The following NXPE2 variants were observed in gnomAD, a reference collection of about 807,000 sequenced individuals.
NXPE2 encodes the protein NXPE family member 2.
In NXPE2, 34 loss-of-function variants were observed where a neutral mutation model predicts 34.4. The ratio of observed to expected loss-of-function variants is 0.99; its 90% CI spans 0.75 to 1.31. NXPE2 has a LOEUF of 1.31. NXPE2 is among the 40% of genes most tolerant of loss of function. The pLI is 0.00. For missense variants in NXPE2, 649 were observed against 672.5 expected, an observed-to-expected ratio of 0.97 and a Z score of 0.39; for synonymous variants, 235 against 231.3, an observed-to-expected ratio of 1.02 and a Z score of -0.15.
At chr11:114,784,237 G>A in the NXPE2 span, among the ~76,000 whole-genome samples, 1 of 152,198 alleles carries the variant, frequency 6.6e-6, no homozygotes, top group Non-Finnish European at 1.5e-5. Flanking sequence ...ATGAGAAGGA[G>A]ACCTTCCATT....
the NXPE2 span, among the ~76,000 whole-genome samples, chr11:114,653,365 G>GT: frequency 6.6e-5 from 10 of 152,158 alleles, no homozygotes; most frequent in African/African-American, 2.4e-4. Flanking sequence ...AAGCTCAACG[G>GT]TTTTGTTGTA....
chr11:114,805,918 C>G, the NXPE2 span, among the ~76,000 whole-genome samples: 1 of 152,200 alleles, frequency 6.6e-6, no homozygotes, highest in Non-Finnish European at 1.5e-5. Context: ...CCCTGACCCC[C>G]GAGTAGCATA....
chr11:114,501,307 A>G, the NXPE2 span, among the ~76,000 whole-genome samples: 5 of 152,268 alleles, frequency 3.3e-5, no homozygotes, highest in East Asian at 9.6e-4. Flanking sequence ...TTTGGAAGCC[A>G]TTGCTCTAAG....
the NXPE2 span, among the ~76,000 whole-genome samples, chr11:114,641,914 A>G: frequency 6.6e-6 from 1 of 152,098 alleles, no homozygotes; most frequent in South Asian, 2.1e-4. Flanking sequence ...CACTAGAGTA[A>G]CTTTATGCCA....
At chr11:114,488,739 G>A in the NXPE2 span, among the ~76,000 whole-genome samples, 1 of 152,102 alleles carries the variant, frequency 6.6e-6, no homozygotes, top group African/African-American at 2.4e-5. Context: ...AGCACTAAAT[G>A]CCCACAAGAG....
the NXPE2 span, among the ~76,000 whole-genome samples, chr11:114,592,664 G>A: frequency 5.9e-4 from 89 of 152,106 alleles, no homozygotes; most frequent in African/African-American, 1.1e-3. Flanking sequence ...ATTCTTCATC[G>A]AAATAGAAAA....
the NXPE2 span, among the ~76,000 whole-genome samples, chr11:114,640,171 T>TAAAA: frequency 2.3e-5 from 3 of 131,108 alleles, no homozygotes; most frequent in African/African-American, 8.6e-5. Context: ...TATATATAAA[T>TAAAA]AATTTATATA....
chr11:114,526,941 C>G, the NXPE2 span, among the ~76,000 whole-genome samples: 1 of 152,192 alleles, frequency 6.6e-6, no homozygotes, highest in Non-Finnish European at 1.5e-5. Context: ...CTTCTTCATT[C>G]TCTGACTACA....
At chr11:114,777,284 C>G in the NXPE2 span, among the ~76,000 whole-genome samples, 1 of 152,212 alleles carries the variant, frequency 6.6e-6, no homozygotes, top group African/African-American at 2.4e-5. Flanking sequence ...TTAACATATA[C>G]TACAGGAATG....
the NXPE2 span, among the ~76,000 whole-genome samples, chr11:114,631,917 G>A: frequency 6.6e-6 from 1 of 151,244 alleles, no homozygotes; most frequent in Non-Finnish European, 1.5e-5. Flanking sequence ...GGTCACTACT[G>A]TTACCCGGTG....
At chr11:114,725,994 A>ATATATATATAT in the NXPE2 span, among the ~76,000 whole-genome samples, 75 of 87,684 alleles carry the variant, frequency 8.6e-4, 3 homozygotes, top group East Asian at 2.2e-3. Flanking sequence ...TATATATATA[A>ATATATATATAT]AAAGAAAAAG....
the NXPE2 span, among the ~76,000 whole-genome samples, chr11:114,504,303 C>T: frequency 1.3e-5 from 2 of 152,088 alleles, no homozygotes; most frequent in East Asian, 3.9e-4. Context: ...AACAGGGGAT[C>T]CTCCTATACC....
the NXPE2 span, among the ~76,000 whole-genome samples, chr11:114,725,976 A>AAAAAAAATATATAT: frequency 9.8e-6 from 1 of 101,768 alleles, no homozygotes; most frequent in African/African-American, 3.4e-5. Flanking sequence ...ATAAAAAAAA[A>AAAAAAAATATATAT]ATATATATAT....
At chr11:114,533,818 T>C in the NXPE2 span, among the ~76,000 whole-genome samples, 1 of 152,158 alleles carries the variant, frequency 6.6e-6, no homozygotes, top group African/African-American at 2.4e-5. Flanking sequence ...CCACCACAGC[T>C]CAAGGAGGCA....
the NXPE2 span, among the ~76,000 whole-genome samples, chr11:114,589,506 T>C: frequency 6.6e-6 from 1 of 152,172 alleles, no homozygotes; most frequent in African/African-American, 2.4e-5. Flanking sequence ...ATTATTTACA[T>C]GTGCCTTTTA....
the NXPE2 span, among the ~76,000 whole-genome samples, chr11:114,765,093 C>T: frequency 6.6e-6 from 1 of 152,132 alleles, no homozygotes; most frequent in South Asian, 2.1e-4. Context: ...CTCTGTATCT[C>T]AGAAAGTCCT....
In NXPE2 at chr11:114,679,758, CA is replaced by C; in HGVS notation, c.131del (p.Lys44SerfsTer12). On this transcript the variant is annotated frameshift_variant, in exon 2 of 6. Transcript: ENST00000389586. LOFTEE classifies it high-confidence loss of function. ...WIIYLASKDH[T>X]KFSFNLENHI... ...ATTTACTTGGCTTCAAAAGACCACA[CA>C]AAGGTAGGAAGTTTCATTTTTAAGA... 2 of 1,536,486 alleles carry C rather than the reference CA, an allele frequency of 1.3e-6. No individual in the cohort carries two copies. Among genetic ancestry groups the C allele is most frequent in the South Asian group, 2.4e-5 (2 of 83,414 alleles).
At chr11:114,582,847 C>T in the NXPE2 span, 25 of 1,613,992 alleles carry the variant, frequency 1.5e-5, no homozygotes, top group South Asian at 1.1e-4. Context: ...GTGGTGTTCA[C>T]GTGGGTGAAA....
intron 2 of NXPE2, among the ~76,000 whole-genome samples, chr11:114,697,513 C>T (rs1206420750): frequency 6.6e-6 from 1 of 152,154 alleles, no homozygotes; most frequent in Non-Finnish European, 1.5e-5. Flanking sequence ...ATTTGTGATG[C>T]TTTGTGATGT....
Sources: gnomAD v4.1 joint callset for allele counts (sites outside exome capture counted in the v4.1 genomes callset) on GRCh38, gnomAD v4.1.1 for gene constraint, MANE v1.5 for transcripts, NCBI Gene and HGNC (gene_info 2026-07-23, HGNC 2026-07-21) for gene names.